ZDHHC18: variants seen among roughly 807,000 people sequenced by gnomAD.
The protein encoded by ZDHHC18 is zDHHC palmitoyltransferase 18.
In ZDHHC18, 23 loss-of-function variants were observed where a neutral mutation model predicts 37.5. The observed-to-expected ratio is 0.61, with a 90% CI of 0.44 to 0.87. The LOEUF is 0.87. ZDHHC18 is among the 40% of genes least tolerant of loss of function. The pLI is 0.00. For missense variants in ZDHHC18, 406 were observed against 525.6 expected, an observed-to-expected ratio of 0.77 and a Z score of 2.22; for synonymous variants, 185 against 218.7, an observed-to-expected ratio of 0.85 and a Z score of 1.36.
In ZDHHC18 at chr1:26,848,769, G is replaced by A; in HGVS notation, c.646+12G>A. On this transcript the variant is annotated intron_variant, in intron 3 of 7. Coordinates refer to ENST00000374142, the MANE Select transcript of ZDHHC18 (RefSeq NM_032283.3). The stretch of plus-strand genomic sequence containing the variant: ...CGACAACTGTGTGGGTGAGTAGGAG[G>A]CAGCAGGGAGGGATGCAGGGATTCC... The A allele has an allele frequency of 1.2e-6, 2 of 1,603,782 alleles. No individual in the cohort carries two copies. The highest frequency in any genetic ancestry group is 1.7e-6 in the Non-Finnish European group (2 of 1,171,294).
At chr1:26,844,204 T>C (rs906170818) in intron 2 of ZDHHC18, among the ~76,000 whole-genome samples, 1 of 152,112 alleles carries the variant, frequency 6.6e-6, no homozygotes, top group Non-Finnish European at 1.5e-5. Context: ...CATGCCCAGC[T>C]AATTTTTGTA....
In ZDHHC18 at chr1:26,850,689, G is replaced by A. The variant is rs541427961; in HGVS notation, c.833+83G>A. ...GGTGCCCTGCCTCATCCTCTAATCA[G>A]AAGGGAACAGCGTACAGCTCACATG... On this transcript the variant is annotated intron_variant, in intron 5 of 7. Transcript: ENST00000374142. The surrounding 1 kb of genome is among the most constrained non-coding windows in gnomAD (Gnocchi z 6.1). 2.9e-5 allele frequency: 43 copies of A among 1,476,986 alleles called. No homozygotes were observed. In the African/African-American group the frequency reaches 5.4e-4, roughly 19 times the overall value. 91.5% of individuals were successfully genotyped at this position (1,476,986 alleles called of 1,614,324 possible).
intron 2 of ZDHHC18, 93 bp downstream of exon 2, chr1:26,832,700 T>G: frequency 6.8e-7 from 1 of 1,481,180 alleles, no homozygotes; most frequent in Admixed American, 2.0e-5. Flanking sequence ...AAAACTATAC[T>G]AGGAACTGGG....
intron 2 of ZDHHC18, among the ~76,000 whole-genome samples, chr1:26,838,121 C>T (rs1411340549): frequency 2.0e-5 from 3 of 151,742 alleles, no homozygotes; most frequent in Non-Finnish European, 2.9e-5. Flanking sequence ...CTCAGCCTCC[C>T]GAGTAGCTGG....
intron 2 of ZDHHC18, among the ~76,000 whole-genome samples, chr1:26,836,743 T>C (rs2081613651): frequency 6.7e-6 from 1 of 149,846 alleles, no homozygotes; most frequent in Non-Finnish European, 1.5e-5. Context: ...TAATTTTTCG[T>C]ATTTTTAGTA....
intron 7 of ZDHHC18, 35 bp from the exon 8 acceptor site, chr1:26,853,691 C>G (rs2081718619): frequency 6.3e-7 from 1 of 1,598,554 alleles, no homozygotes; most frequent in Non-Finnish European, 8.6e-7. Context: ...CAGTGTTGGG[C>G]AGAGCCCTCA....
intron 1 of ZDHHC18, chr1:26,832,119 A>G (rs745328537): frequency 2.0e-5 from 5 of 254,854 alleles, no homozygotes; most frequent in Admixed American, 5.1e-5. Context: ...GGTTTGTCTC[A>G]GGTGACAGTC....
At chr1:26,845,431 C>G (rs555241671) in intron 2 of ZDHHC18, among the ~76,000 whole-genome samples, 13 of 134,152 alleles carry the variant, frequency 9.7e-5, no homozygotes, top group African/African-American at 3.7e-4. Context: ...CTCCCTGGTT[C>G]AAGTGATTTT....
intron 2 of ZDHHC18, among the ~76,000 whole-genome samples, chr1:26,847,013 A>C (rs1315234216): frequency 3.3e-5 from 5 of 151,748 alleles, no homozygotes; most frequent in African/African-American, 9.7e-5. Flanking sequence ...CTCCTGCCTC[A>C]GCCTCCCGAG....
intron 1 of ZDHHC18, 94 bp downstream of exon 1, chr1:26,827,233 C>A: frequency 9.5e-7 from 1 of 1,056,220 alleles, no homozygotes; most frequent in Non-Finnish European, 1.2e-6. Flanking sequence ...TCCCCTTCGC[C>A]TCCCTGGTCC....
chr1:26,837,893 A>T (rs924054819), intron 2 of ZDHHC18, among the ~76,000 whole-genome samples: 1 of 152,006 alleles, frequency 6.6e-6, no homozygotes, highest in Non-Finnish European at 1.5e-5. Context: ...TGTGCACTGG[A>T]TGCCTCAGTG....
chr1:26,848,581 C>T (rs759822121), intron 2 of ZDHHC18, 27 bp from the exon 3 acceptor site: 25 of 1,599,428 alleles, frequency 1.6e-5, no homozygotes, highest in South Asian at 2.2e-5. Flanking sequence ...TTGGGCATTC[C>T]CCATCTTTCT....
intron 2 of ZDHHC18, among the ~76,000 whole-genome samples, chr1:26,834,696 A>G (rs2081603280): frequency 6.6e-6 from 1 of 152,222 alleles, no homozygotes; most frequent in African/African-American, 2.4e-5. Flanking sequence ...CGTTGGCTAA[A>G]TGAGTAAATG....
In ZDHHC18 at chr1:26,850,652, C is replaced by G. The variant is rs2081698153; in HGVS notation, c.833+46C>G. 6.2e-7 allele frequency: 1 copy of G among 1,608,504 alleles called. No homozygotes were observed. The highest frequency in any genetic ancestry group is 1.3e-5 in the African/African-American group (1 of 74,924). ...GACACTCCAGTGGGAACTGAGGTCCCTTCACTGGGTGGGTGCCCTGCCTCA... is the reference window on the plus strand; with the variant it reads ...GACACTCCAGTGGGAACTGAGGTCCGTTCACTGGGTGGGTGCCCTGCCTCA... On this transcript the variant is annotated intron_variant, in intron 5 of 7. Coordinates refer to ENST00000374142, the MANE Select transcript of ZDHHC18 (RefSeq NM_032283.3). This position sits in a 1 kb window ranked among gnomAD's most constrained non-coding sequence, Gnocchi z 6.1.
chr1:26,846,191 TAC>T (rs1312155588), intron 2 of ZDHHC18, among the ~76,000 whole-genome samples: 13 of 130,168 alleles, frequency 1.0e-4, no homozygotes, highest in African/African-American at 2.9e-4. Context: ...TATATCTATA[TAC>T]ATACATATAT....
In ZDHHC18 at chr1:26,848,677, T is replaced by C. The variant is rs1375279562; in HGVS notation, c.566T>C (p.Val189Ala). ...TREVLINGQM[V>A]KLKYCFTCKM... ...GAGGTGCTGATCAACGGGCAGATGGTGAAGCTGAAGTACTGCTTCACCTGC... is the reference window on the plus strand; with the variant it reads ...GAGGTGCTGATCAACGGGCAGATGGCGAAGCTGAAGTACTGCTTCACCTGC... Residue 189 changes from valine (V) to alanine (A), a missense_variant, in exon 3 of 8, where the codon GTG becomes GCG. Coordinates refer to ENST00000374142, the MANE Select transcript of ZDHHC18 (RefSeq NM_032283.3). 6.2e-7 allele frequency: 1 copy of C among 1,614,022 alleles called. No homozygotes were observed. Among genetic ancestry groups the C allele is most frequent in the Non-Finnish European group, 8.5e-7 (1 of 1,179,988 alleles).
intron 1 of ZDHHC18, among the ~76,000 whole-genome samples, chr1:26,830,763 ATGTT>A (rs1032327021): frequency 8.5e-6 from 1 of 117,442 alleles, no homozygotes; most frequent in African/African-American, 3.6e-5. Flanking sequence ...ATGTTTTTTT[ATGTT>A]TGTTTGTTGT....
chr1:26,844,744 T>C (rs2081655068), intron 2 of ZDHHC18, among the ~76,000 whole-genome samples: 1 of 152,204 alleles, frequency 6.6e-6, no homozygotes, highest in African/African-American at 2.4e-5. Flanking sequence ...TAGTAGCATA[T>C]TGTGGTCTTA....
In ZDHHC18 at chr1:26,832,547, G is replaced by T; in HGVS notation, c.436G>T (p.Asp146Tyr). 1.2e-6 allele frequency: 2 copies of T among 1,614,124 alleles called. No individual in the cohort carries two copies. Among genetic ancestry groups the T allele is most frequent in the Non-Finnish European group, 1.7e-6 (2 of 1,180,014 alleles). ...MSCLLQTSFTDPGILPRATVC... is the reference protein window; with the variant it reads ...MSCLLQTSFTYPGILPRATVC... ...CTGCCTGCTGCAGACAAGCTTCACC[G>T]ACCCTGGGATCCTGCCCCGGGCCAC... is the stretch of plus-strand genomic sequence containing the variant. The change falls in exon 2 of 8, where the codon GAC (aspartate) becomes TAC (tyrosine). Residue 146 changes from aspartate to tyrosine, a missense_variant. Asp to Tyr is a radical substitution (Grantham distance 160). Transcript: ENST00000374142.
Sources: allele counts gnomAD v4.1 joint callset (sites outside exome capture counted in the v4.1 genomes callset), GRCh38; gene constraint gnomAD v4.1.1; non-coding constraint Gnocchi (gnomAD v3.1); transcripts MANE v1.5; gene names NCBI Gene and HGNC (gene_info 2026-07-23, HGNC 2026-07-21).